FYB1: variants seen among roughly 807,000 people sequenced by gnomAD.
FYB1 encodes FYN binding protein 1.
FYB1 carries 41 observed loss-of-function variants against 94.1 expected under a neutral mutation model. The ratio of observed to expected loss-of-function variants is 0.44; its 90% CI spans 0.34 to 0.57. The LOEUF (loss-of-function observed/expected upper bound fraction) is 0.57, where lower values mean the gene tolerates loss of function less well. Among genes scored for constraint, FYB1 ranks in the 20% least tolerant of loss-of-function variants. The pLI, the probability that FYB1 is intolerant of heterozygous loss-of-function variation, is 0.02. For missense variants in FYB1, 1,050 were observed against 976.8 expected (o/e 1.07, Z -1.00); for synonymous variants, 367 against 353.2 (o/e 1.04, Z -0.44).
intron 2 of FYB1, among the ~76,000 whole-genome samples, chr5:39,160,339 T>C (rs962608786): frequency 2.0e-5 from 3 of 152,166 alleles, no homozygotes; most frequent in African/African-American, 7.2e-5. Context: ...CTCCCCTCAA[T>C]TGCAAAGAAA....
chr5:39,125,984 T>C lies in FYB1; in HGVS notation c.2045+14A>G. The C allele has an allele frequency of 2.5e-6, 4 of 1,612,286 alleles. No homozygotes were observed. Among genetic ancestry groups the C allele is most frequent in the Non-Finnish European group, 3.4e-6 (4 of 1,179,060 alleles). ...GTAGTTATTGTACACTGGATTTGGT[T>C]GGTTGACTCTTACGATGAACCTTCA... On this transcript the variant is annotated intron_variant, in intron 12 of 18. Transcript: ENST00000512982.
At chr5:39,129,574 G>A (rs1440611195) in intron 10 of FYB1, among the ~76,000 whole-genome samples, 3 of 151,918 alleles carry the variant, frequency 2.0e-5, no homozygotes, top group Non-Finnish European at 4.4e-5. Flanking sequence ...AAAGGGATGA[G>A]TATTCAGAAT....
chr5:39,116,326 A>G (rs900221904), intron 16 of FYB1, among the ~76,000 whole-genome samples: 22 of 152,182 alleles, frequency 1.4e-4, no homozygotes, highest in African/African-American at 5.3e-4. Context: ...TCTGAGATGT[A>G]CCCCAAAGCC....
At chr5:39,157,893 G>T (rs540385937) in intron 2 of FYB1, among the ~76,000 whole-genome samples, 45 of 152,304 alleles carry the variant, frequency 3.0e-4, no homozygotes, top group Admixed American at 2.8e-3. Flanking sequence ...CTAATCAGAT[G>T]AATTTGCAAC....
rs544160348 is a variant in FYB1 at position 39,243,810 on chromosome 5, A to G, written c.-28+30593T>C. Among the ~76,000 whole-genome samples, 1,052 of 152,046 alleles carry G rather than the reference A, an allele frequency of 6.9e-3. 9 individuals carry two copies. The highest frequency in any genetic ancestry group is 0.023 in the African/African-American group (937 of 41,420). On this transcript the variant is annotated intron_variant, in intron 1 of 1. Coordinates refer to the FYB1 transcript ENST00000510188. ...CTTCCATTTGTTTGTGTCCTCTTTT[A>G]TTTCGTTGAGCAGTGGTTTGTAGTT...
intron 16 of FYB1, among the ~76,000 whole-genome samples, chr5:39,116,896 T>C (rs1438199399): frequency 4.6e-5 from 7 of 152,146 alleles, no homozygotes; most frequent in Admixed American, 6.6e-5. Flanking sequence ...AAGATCCCCA[T>C]TGATCTGTAT....
chr5:39,245,562 G>A (rs137940105), intron 1 of FYB1, among the ~76,000 whole-genome samples: 1 of 151,766 alleles, frequency 6.6e-6, no homozygotes, highest in Non-Finnish European at 1.5e-5. Context: ...AGGATTTCTG[G>A]GTTGGATGTC....
At chr5:39,264,787 A>G (rs1227137372) in intron 1 of FYB1, among the ~76,000 whole-genome samples, 1 of 152,128 alleles carries the variant, frequency 6.6e-6, no homozygotes, top group East Asian at 1.9e-4. Flanking sequence ...AGTGATTCCC[A>G]TGTGCAGCCA....
At chr5:39,260,764 C>G (rs185114619) in intron 1 of FYB1, among the ~76,000 whole-genome samples, 7 of 152,132 alleles carry the variant, frequency 4.6e-5, no homozygotes, top group Admixed American at 1.3e-4. Context: ...CTGTATACAT[C>G]GTAGTGTATA....
chr5:39,220,843 C>T (rs1458394921), upstream of FYB1, among the ~76,000 whole-genome samples: 3 of 152,098 alleles, frequency 2.0e-5, no homozygotes, highest in African/African-American at 7.2e-5. Flanking sequence ...TTTGTACAGA[C>T]CTCAGGCTAA....
At chr5:39,208,058 A>G (rs1211844433) in intron 1 of FYB1, among the ~76,000 whole-genome samples, 1 of 152,208 alleles carries the variant, frequency 6.6e-6, no homozygotes, top group East Asian at 1.9e-4. Context: ...TCTAACACCT[A>G]CAAATAACTG....
intron 2 of FYB1, among the ~76,000 whole-genome samples, chr5:39,192,726 T>C (rs1747471062): frequency 6.6e-6 from 1 of 152,228 alleles, no homozygotes. Context: ...GTAAACTAAA[T>C]GATAAGTATG....
chr5:39,134,764 C>T (rs1272527118), intron 8 of FYB1, 91 bp downstream of exon 8: 23 of 1,371,708 alleles, frequency 1.7e-5, no homozygotes, highest in South Asian at 1.0e-4. Context: ...ACTCCTAACT[C>T]GATGCCTATG....
At chr5:39,216,929 T>G (rs566637299) in intron 1 of FYB1, among the ~76,000 whole-genome samples, 1 of 152,342 alleles carries the variant, frequency 6.6e-6, no homozygotes, top group South Asian at 2.1e-4. Flanking sequence ...TTTTCCTGGT[T>G]TCTTATCTGT....
intron 1 of FYB1, among the ~76,000 whole-genome samples, chr5:39,208,709 G>A (rs1250601894): frequency 1.3e-5 from 2 of 152,110 alleles, no homozygotes; most frequent in Non-Finnish European, 2.9e-5. Flanking sequence ...AGCCAGGGCG[G>A]GTGAAGACGG....
chr5:39,127,921 T>G, intron 10 of FYB1, 114 bp from the exon 11 acceptor site: 2 of 930,886 alleles, frequency 2.1e-6, no homozygotes, highest in Non-Finnish European at 3.0e-6. Context: ...CATTTCACTT[T>G]CATGTAAACC....
rs532849069 is a variant in FYB1, at chr5:39,135,892, T to C, written c.1516-878A>G. Among the ~76,000 whole-genome samples the C allele has an allele frequency of 9.8e-5, 15 of 152,300 alleles. No individual in the cohort carries two copies. In the East Asian group the frequency reaches 2.5e-3, roughly 25 times the overall value. On this transcript the variant is annotated intron_variant, in intron 7 of 18. Transcript: ENST00000512982. The stretch of plus-strand genomic sequence containing the variant: ...AATATGGCTGGTGAAGTCCTAGTTT[T>C]GACAGACTTTTGAGTTCATATTTAA...
intron 14 of FYB1, among the ~76,000 whole-genome samples, chr5:39,119,981 C>T (rs1447661426): frequency 6.6e-6 from 1 of 152,074 alleles, no homozygotes; most frequent in African/African-American, 2.4e-5. Flanking sequence ...TCAGCCCTTT[C>T]TAGATAATTA....
chr5:39,167,220 G>A (rs1744818894), intron 2 of FYB1, among the ~76,000 whole-genome samples: 1 of 152,084 alleles, frequency 6.6e-6, no homozygotes, highest in Non-Finnish European at 1.5e-5. Context: ...ATGATGCGGG[G>A]ATCAAGCTTC....
Sources: allele counts gnomAD v4.1 joint callset (sites outside exome capture counted in the v4.1 genomes callset), GRCh38; gene constraint gnomAD v4.1.1; transcripts MANE v1.5; gene names NCBI Gene and HGNC (gene_info 2026-07-23, HGNC 2026-07-21).